The following TRAM2 variants were observed in gnomAD, a reference collection of about 807,000 sequenced individuals.
TRAM2 encodes the protein translocation associated membrane protein 2.
TRAM2 carries 12 observed loss-of-function variants against 51.0 expected under a neutral mutation model. The ratio of observed to expected loss-of-function variants is 0.24; its 90% CI spans 0.15 to 0.38. The LOEUF (loss-of-function observed/expected upper bound fraction) is 0.38. TRAM2 is among the 10% of genes least tolerant of loss of function. TRAM2 has a pLI of 1.00. For synonymous variants in TRAM2, 175 were observed against 179.4 expected, an observed-to-expected ratio of 0.98 and a Z score of 0.20; for missense variants, 361 against 462.0, an observed-to-expected ratio of 0.78 and a Z score of 2.00.
intron 1 of TRAM2, among the ~76,000 whole-genome samples, chr6:52,555,149 A>ATGG (rs1471645035): frequency 2.0e-5 from 3 of 152,202 alleles, no homozygotes; most frequent in African/African-American, 7.2e-5. Context: ...TTTATGTTAG[A>ATGG]TGGGAATGGT....
At chr6:52,544,706 A>G (rs1767167495) in intron 1 of TRAM2, among the ~76,000 whole-genome samples, 1 of 152,248 alleles carries the variant, frequency 6.6e-6, no homozygotes, top group Admixed American at 6.5e-5. Context: ...ACATTAATGA[A>G]AAACATCCAG....
At chr6:52,519,225 C>T (rs1463089860) in intron 2 of TRAM2, among the ~76,000 whole-genome samples, 1 of 152,202 alleles carries the variant, frequency 6.6e-6, no homozygotes, top group Admixed American at 6.5e-5. Flanking sequence ...AGCGGGTACA[C>T]ACCACATCCT....
intron 1 of TRAM2, among the ~76,000 whole-genome samples, chr6:52,564,701 T>A (rs970289225): frequency 6.6e-6 from 1 of 152,154 alleles, no homozygotes; most frequent in Admixed American, 6.5e-5. Context: ...GGAAGCAGAA[T>A]CTACACCTCT....
intron 3 of TRAM2, 77 bp from the exon 4 acceptor site, chr6:52,516,199 C>T (rs1177679340): frequency 2.2e-6 from 3 of 1,333,670 alleles, no homozygotes; most frequent in African/African-American, 2.9e-5. Flanking sequence ...CTTGTATTCT[C>T]CCCACAGAAG....
intron 2 of TRAM2, among the ~76,000 whole-genome samples, chr6:52,518,160 G>A (rs1766587522): frequency 6.6e-6 from 1 of 152,172 alleles, no homozygotes. Context: ...CACAGCAGGC[G>A]AGGGCCCCAC....
At chr6:52,567,737 C>A (rs1261229232) in intron 1 of TRAM2, among the ~76,000 whole-genome samples, 1 of 152,164 alleles carries the variant, frequency 6.6e-6, no homozygotes, top group Non-Finnish European at 1.5e-5. Context: ...AAAGCCAAAC[C>A]CAGATTCCTT....
intron 1 of TRAM2, among the ~76,000 whole-genome samples, chr6:52,540,562 C>A (rs1365842092): frequency 6.6e-6 from 1 of 152,172 alleles, no homozygotes; most frequent in African/African-American, 2.4e-5. Flanking sequence ...AGACTTACTT[C>A]TTCAGCCTTC....
chr6:52,529,965 A>G (rs1766856262), intron 2 of TRAM2: 1 of 152,196 alleles, frequency 6.6e-6, no homozygotes, highest in Non-Finnish European at 1.5e-5. Context: ...AGAGTGTGTA[A>G]TGGTAAGACC....
At position 52,503,231 on chromosome 6, in the gene TRAM2, G is replaced by A. The variant is rs758681632; in HGVS notation, c.1079C>T (p.Thr360Ile). The part of the protein sequence containing the change: ...ENGVVKAENG[T>I]SPRTKKLKSP ...CTTGAGTTTCTTAGTCCGTGGGGAG[G>A]TTCCGTTCTCTGCCTTCACCACTCC... Residue 360 changes from threonine (T) to isoleucine (I), a missense_variant, in exon 11 of 11, where the codon ACC (threonine) becomes ATC (isoleucine). Physicochemically the swap from Thr to Ile is moderately conservative, Grantham distance 89 (BLOSUM62 -1). Transcript: ENST00000182527. The A allele has an allele frequency of 6.5e-5, 105 of 1,613,874 alleles. No homozygotes were observed. Among genetic ancestry groups the A allele is most frequent in the Non-Finnish European group, 8.4e-5 (99 of 1,179,972 alleles).
At chr6:52,531,977 C>G (rs1210493417) in intron 2 of TRAM2, among the ~76,000 whole-genome samples, 1 of 152,134 alleles carries the variant, frequency 6.6e-6, no homozygotes, top group Admixed American at 6.5e-5. Context: ...ATTAATTAAG[C>G]AAATGAAGGC....
intron 2 of TRAM2, among the ~76,000 whole-genome samples, chr6:52,520,450 G>A (rs894566133): frequency 6.6e-6 from 1 of 152,222 alleles, no homozygotes; most frequent in Non-Finnish European, 1.5e-5. Context: ...CAGAGCAATC[G>A]GAGAAGAGAT....
chr6:52,527,974 T>C (rs1164034526), intron 2 of TRAM2, among the ~76,000 whole-genome samples: 1 of 152,168 alleles, frequency 6.6e-6, no homozygotes, highest in African/African-American at 2.4e-5. Context: ...CCAGGGACAC[T>C]GGGGGCCGTG....
At chr6:52,575,105 G>A (rs1305929528) in intron 1 of TRAM2, among the ~76,000 whole-genome samples, 1 of 152,212 alleles carries the variant, frequency 6.6e-6, no homozygotes, top group Non-Finnish European at 1.5e-5. Flanking sequence ...CTATTATTAT[G>A]ATAAATAATC....
intron 2 of TRAM2, chr6:52,522,861 A>C: frequency 2.9e-6 from 2 of 701,628 alleles, no homozygotes; most frequent in Non-Finnish European, 5.2e-6. Context: ...TGACTAATAG[A>C]TATTTTCCTG....
intron 1 of TRAM2, among the ~76,000 whole-genome samples, chr6:52,573,846 C>A (rs891610952): frequency 6.6e-6 from 1 of 151,948 alleles, no homozygotes; most frequent in Admixed American, 6.5e-5. Context: ...GGCTGCCTGG[C>A]GCGTGGGCTG....
chr6:52,516,168 A>C (rs745896846), intron 3 of TRAM2, 46 bp from the exon 4 acceptor site: 3 of 1,558,018 alleles, frequency 1.9e-6, no homozygotes, highest in South Asian at 2.2e-5. Context: ...AAATGTATCC[A>C]TATTGGGCAG....
chr6:52,524,095 G>C (rs1766727327), intron 2 of TRAM2: 1 of 152,232 alleles, frequency 6.6e-6, no homozygotes, highest in Admixed American at 6.5e-5. Flanking sequence ...AACTGTAACT[G>C]AGAGATTTAT....
chr6:52,573,877 C>T (rs1159875233), intron 1 of TRAM2, among the ~76,000 whole-genome samples: 1 of 152,134 alleles, frequency 6.6e-6, no homozygotes, highest in Non-Finnish European at 1.5e-5. Flanking sequence ...GGGACCCAGC[C>T]CATTGGCAGA....
chr6:52,550,284 A>C (rs1767284743), intron 1 of TRAM2, among the ~76,000 whole-genome samples: 1 of 152,134 alleles, frequency 6.6e-6, no homozygotes, highest in Non-Finnish European at 1.5e-5. Context: ...TTCTAGATCC[A>C]TGCTATCCTC....
Sources: gnomAD v4.1 joint callset for allele counts (sites outside exome capture counted in the v4.1 genomes callset) on GRCh38, gnomAD v4.1.1 for gene constraint, MANE v1.5 for transcripts, NCBI Gene and HGNC (gene_info 2026-07-23, HGNC 2026-07-21) for gene names.